The following AGPAT3 variants were observed in gnomAD, a reference collection of about 807,000 sequenced individuals.
The protein encoded by AGPAT3 is 1-acylglycerol-3-phosphate O-acyltransferase 3.
In AGPAT3, 5 loss-of-function variants were observed where a neutral mutation model predicts 47.3. The ratio of observed to expected loss-of-function variants is 0.11; its 90% CI spans 0.06 to 0.22. The LOEUF is 0.22. Among genes scored for constraint, AGPAT3 ranks in the 10% least tolerant of loss-of-function variants. The pLI is 1.00. For missense variants in AGPAT3, 315 were observed against 493.0 expected (o/e 0.64, Z 3.42); for synonymous variants, 212 against 208.3 (o/e 1.02, Z -0.15).
chr21:43,870,122 C>T (rs1032770131), intron 1 of AGPAT3, among the ~76,000 whole-genome samples: 3 of 152,184 alleles, frequency 2.0e-5, no homozygotes, highest in Non-Finnish European at 4.4e-5. Context: ...GGAAGCGAAC[C>T]ACAGCCGTCC....
intron 1 of AGPAT3, among the ~76,000 whole-genome samples, chr21:43,883,586 T>G (rs1473875186): frequency 1.3e-5 from 2 of 152,130 alleles, no homozygotes; most frequent in Non-Finnish European, 2.9e-5. Context: ...ATTCCGTTTT[T>G]TTGTTTTGTT....
intron 4 of AGPAT3, among the ~76,000 whole-genome samples, chr21:43,968,331 C>A (rs544779981): frequency 1.8e-4 from 27 of 148,020 alleles, no homozygotes; most frequent in Admixed American, 4.0e-4. Context: ...GTGGGGGGTC[C>A]CAGGGAGAGG....
chr21:43,923,302 G>A (rs558545763), intron 2 of AGPAT3, among the ~76,000 whole-genome samples: 7 of 152,198 alleles, frequency 4.6e-5, no homozygotes, highest in African/African-American at 1.2e-4. Context: ...GCAACGCCTC[G>A]GGAAGCAGCC....
chr21:43,940,268 C>A (rs2087611758), intron 2 of AGPAT3, among the ~76,000 whole-genome samples: 1 of 152,280 alleles, frequency 6.6e-6, no homozygotes, highest in Non-Finnish European at 1.5e-5. Context: ...AGCTACCCGG[C>A]CTGCCTCTTC....
At chr21:43,958,985 GGTTTGCGGTGTGTGTGTAGCA>G (rs2088656345) in intron 2 of AGPAT3, among the ~76,000 whole-genome samples, 1 of 147,098 alleles carries the variant, frequency 6.8e-6, no homozygotes, top group Non-Finnish European at 1.5e-5. Context: ...GCATGTGTGT[GGTTTGCGGTGTGTGTGTAGCA>G]TGTGTGTGGT....
At chr21:43,926,548 C>T (rs563805865) in intron 2 of AGPAT3, among the ~76,000 whole-genome samples, 5 of 151,890 alleles carry the variant, frequency 3.3e-5, no homozygotes, top group Non-Finnish European at 7.4e-5. Flanking sequence ...CCAGCCCCCA[C>T]GGCGCGTTCC....
intron 4 of AGPAT3, 118 bp downstream of exon 4, chr21:43,968,233 G>T: frequency 7.9e-7 from 1 of 1,269,052 alleles, no homozygotes; most frequent in South Asian, 1.4e-5. Flanking sequence ...GGCTGGGGGT[G>T]GGGTGGTGAC....
chr21:43,915,480 C>G (rs1023341842), intron 2 of AGPAT3, among the ~76,000 whole-genome samples: 4 of 117,408 alleles, frequency 3.4e-5, no homozygotes, highest in Non-Finnish European at 6.4e-5. Flanking sequence ...GGTGCGATCT[C>G]GGGTCACTGT....
At chr21:43,961,754 A>G (rs540059021) in intron 3 of AGPAT3, among the ~76,000 whole-genome samples, 17 of 151,984 alleles carry the variant, frequency 1.1e-4, no homozygotes, top group African/African-American at 3.9e-4. Context: ...GCGCGTATAC[A>G]CTTTGTCTCA....
In AGPAT3 at chr21:43,970,254, C is replaced by A. The variant is rs2089338991; in HGVS notation, c.511-399C>A. On this transcript the variant is annotated intron_variant, in intron 5 of 9. Transcript: ENST00000291572. This position sits in a 1 kb window ranked among gnomAD's most constrained non-coding sequence, Gnocchi z 5.8. ...AACTCCTGACCTCATGATCCACCCGCCTCGGCCTCCTAAAGTGCTGGGATT... is the reference window on the plus strand; with the variant it reads ...AACTCCTGACCTCATGATCCACCCGACTCGGCCTCCTAAAGTGCTGGGATT... 1.3e-5 allele frequency among the ~76,000 whole-genome samples: 2 copies of A among 152,182 alleles called. No homozygotes were observed. Among genetic ancestry groups the A allele is most frequent in the Non-Finnish European group, 2.9e-5 (2 of 68,044 alleles).
rs1408572544 is a variant in AGPAT3, at chr21:43,981,649, C to T, written c.1042+462C>T. Among the ~76,000 whole-genome samples, 1 of 152,166 alleles carries T rather than the reference C, an allele frequency of 6.6e-6. No individual in the cohort carries two copies. The highest frequency in any genetic ancestry group is 6.5e-5 in the Admixed American group (1 of 15,288). ...AGGCCCACCACGACTCATCAGCTAG[C>T]CTGGGGCCGAACAGACACCCAGCCT... On this transcript the variant is annotated intron_variant, in intron 9 of 9. Coordinates refer to ENST00000291572, the MANE Select transcript of AGPAT3 (RefSeq NM_020132.5). The surrounding 1 kb of genome is among the most constrained non-coding windows in gnomAD (Gnocchi z 5.3).
At chr21:43,935,400 C>T (rs778018635) in intron 2 of AGPAT3, among the ~76,000 whole-genome samples, 3 of 152,246 alleles carry the variant, frequency 2.0e-5, no homozygotes, top group Non-Finnish European at 4.4e-5. Flanking sequence ...GGAGTGCCCC[C>T]AGGCGCCTGG....
intron 8 of AGPAT3, 67 bp from the exon 9 acceptor site, chr21:43,980,922 C>T (rs2089826715): frequency 2.4e-6 from 3 of 1,247,594 alleles, no homozygotes; most frequent in East Asian, 2.6e-5. Context: ...CAACAATCTT[C>T]TCCTGCATTG....
At chr21:43,929,156 C>G (rs2087155710) in intron 2 of AGPAT3, among the ~76,000 whole-genome samples, 1 of 152,346 alleles carries the variant, frequency 6.6e-6, no homozygotes, top group South Asian at 2.1e-4. Context: ...TAGTGGGTGC[C>G]TCATGCGGGT....
intron 4 of AGPAT3, among the ~76,000 whole-genome samples, chr21:43,968,537 G>T (rs1018363676): frequency 1.1e-4 from 17 of 151,940 alleles, no homozygotes. Flanking sequence ...GGGAGCAGGG[G>T]ACTCCCTGAG....
In AGPAT3 at chr21:43,909,440, C is replaced by T. The variant is rs373602012; in HGVS notation, c.-49+5421C>T. Among the ~76,000 whole-genome samples, 253 of 152,140 alleles carry T rather than the reference C, an allele frequency of 1.7e-3. 5 individuals are homozygous for T. In the East Asian group the frequency reaches 0.039, roughly 23 times the overall value. ...CCTCCCGAGTAGCTGGGACTACAGG[C>T]GCCTGCCACCATGCCCGGCTAATTT... On this transcript the variant is annotated intron_variant, in intron 2 of 9. Coordinates refer to ENST00000291572, the MANE Select transcript of AGPAT3 (RefSeq NM_020132.5).
rs1374921257 is a variant in AGPAT3, at chr21:43,917,365, C to T, written c.-49+13346C>T. ...GAGCCCTCCAGGCGCTCAGGTCTGC[C>T]GTCTGGTTGCAGGTGTTTTATAGAG... On this transcript the variant is annotated intron_variant, in intron 2 of 9. Coordinates refer to ENST00000291572, the MANE Select transcript of AGPAT3 (RefSeq NM_020132.5). Among the ~76,000 whole-genome samples, 5 of 152,332 alleles carry T rather than the reference C, an allele frequency of 3.3e-5. No individual in the cohort carries two copies. In the South Asian group the frequency reaches 1.0e-3, roughly 32 times the overall value.
At chr21:43,921,880 C>G (rs1011012776) in intron 2 of AGPAT3, among the ~76,000 whole-genome samples, 1 of 152,066 alleles carries the variant, frequency 6.6e-6, no homozygotes, top group Non-Finnish European at 1.5e-5. Context: ...AGCTGGGTGT[C>G]TGGGGACGGC....
In AGPAT3 at chr21:43,922,318, G is replaced by A. The variant is rs1348438579; in HGVS notation, c.-49+18299G>A. Among the ~76,000 whole-genome samples, 2 of 152,200 alleles carry A rather than the reference G, an allele frequency of 1.3e-5. No homozygotes were observed. On this transcript the variant is annotated intron_variant, in intron 2 of 9. Transcript: ENST00000291572. The surrounding 1 kb of genome is among the most constrained non-coding windows in gnomAD (Gnocchi z 4.9). ...AGGATGGTGAACACATCAGCAAACA[G>A]GAAGCGTGGGGGGAAGCGTGCGTGC...
Sources: gnomAD v4.1 joint callset for allele counts (sites outside exome capture counted in the v4.1 genomes callset) on GRCh38, gnomAD v4.1.1 for gene constraint, Gnocchi (gnomAD v3.1) non-coding constraint, MANE v1.5 for transcripts, NCBI Gene and HGNC (gene_info 2026-07-23, HGNC 2026-07-21) for gene names.